TSNAX: variants seen among roughly 807,000 people sequenced by gnomAD.
TSNAX encodes the protein translin associated factor X.
Under a neutral mutation model 33.0 loss-of-function variants are expected in TSNAX, and 12 were observed. The observed-to-expected ratio is 0.36, with a 90% CI of 0.23 to 0.59. The LOEUF (loss-of-function observed/expected upper bound fraction) is 0.59. Ranked by LOEUF, TSNAX falls within the 20% of genes least tolerant of loss-of-function variation. TSNAX has a pLI of 0.74. For synonymous variants in TSNAX, 110 were observed against 117.2 expected (o/e 0.94, Z 0.40); for missense variants, 267 against 341.3 (o/e 0.78, Z 1.72).
At chr1:231,551,206 G>T (rs999737690) in intron 4 of TSNAX, among the ~76,000 whole-genome samples, 4 of 152,184 alleles carry the variant, frequency 2.6e-5, no homozygotes, top group African/African-American at 9.7e-5. Flanking sequence ...AGCAAGATAA[G>T]AAGAGAATGT....
chr1:231,549,039 G>T (rs1423843185), intron 4 of TSNAX, among the ~76,000 whole-genome samples: 2 of 152,202 alleles, frequency 1.3e-5, no homozygotes, highest in Non-Finnish European at 2.9e-5. Flanking sequence ...GGTAGTTACA[G>T]ATGGGTATAG....
chr1:231,546,969 C>G (rs1227429411), intron 4 of TSNAX, among the ~76,000 whole-genome samples: 1 of 152,142 alleles, frequency 6.6e-6, no homozygotes, highest in Non-Finnish European at 1.5e-5. Flanking sequence ...AGTCACATGG[C>G]CACACCAGCC....
At chr1:231,553,606 A>G (rs1368657639) in intron 4 of TSNAX, among the ~76,000 whole-genome samples, 1 of 151,864 alleles carries the variant, frequency 6.6e-6, no homozygotes, top group Non-Finnish European at 1.5e-5. Flanking sequence ...GTGACCAAAA[A>G]TGCTTTTCAG....
At position 231,542,587 on chromosome 1, in the gene TSNAX, C is replaced by G. The variant is rs753821248; in HGVS notation, c.343C>G (p.Gln115Glu). ...AQELSGEDMHQFHRAITTGLQ... is the reference protein window; with the variant it reads ...AQELSGEDMHEFHRAITTGLQ... The stretch of plus-strand genomic sequence containing the variant: ...AGAGCTATCAGGGGAAGATATGCAT[C>G]AGTTCCATCGAGCCATTACTACAGG... Residue 115 changes from glutamine (Q) to glutamate (E), a missense_variant, in exon 4 of 6, where the codon CAG (glutamine) becomes GAG (glutamate). Physicochemically the swap from Gln to Glu is conservative, Grantham distance 29. Transcript: ENST00000366639. The G allele has an allele frequency of 1.9e-6, 3 of 1,613,756 alleles. No individual in the cohort carries two copies. The African/African-American group carries it at 4.0e-5, about 22-fold the overall frequency.
At chr1:231,553,830 G>T (rs945330484) in intron 4 of TSNAX, among the ~76,000 whole-genome samples, 1 of 152,038 alleles carries the variant, frequency 6.6e-6, no homozygotes, top group Non-Finnish European at 1.5e-5. Flanking sequence ...GGGATTACAG[G>T]CATGTGCCAC....
Position 231,561,174 on chromosome 1 carries a change from AAC to A in TSNAX, c.417_418del (p.Arg140IlefsTer4). ...EAVSFQHFIK[T>X]RSLISMDEIN... Reference sequence around the variant, plus strand: ...CTGTCTCTTTTCAACACTTCATCAAAACACGATCATTAATTAGTATGGATGAA... The same window carrying A: ...CTGTCTCTTTTCAACACTTCATCAAAACGATCATTAATTAGTATGGATGAA... On this transcript the variant is annotated frameshift_variant, in exon 5 of 6. Coordinates refer to ENST00000366639, the MANE Select transcript of TSNAX (RefSeq NM_005999.3). LOFTEE classifies it high-confidence loss of function. The A allele has an allele frequency of 1.2e-6, 2 of 1,610,460 alleles. No individual in the cohort carries two copies. Among genetic ancestry groups the A allele is most frequent in the Non-Finnish European group, 1.7e-6 (2 of 1,177,910 alleles).
intron 4 of TSNAX, among the ~76,000 whole-genome samples, chr1:231,553,519 G>C (rs1476064327): frequency 6.6e-6 from 1 of 152,134 alleles, no homozygotes; most frequent in Admixed American, 6.5e-5. Context: ...TCACCTTGGG[G>C]ATTATTCACT....
intron 4 of TSNAX, among the ~76,000 whole-genome samples, chr1:231,551,287 G>A (rs1660276023): frequency 2.0e-5 from 3 of 152,144 alleles, no homozygotes; most frequent in South Asian, 2.1e-4. Context: ...AGTCTGTGAG[G>A]TCTCCTTGTA....
chr1:231,548,071 G>A (rs1036281067), intron 4 of TSNAX, among the ~76,000 whole-genome samples: 10 of 151,836 alleles, frequency 6.6e-5, no homozygotes, highest in Non-Finnish European at 1.3e-4. Context: ...TGATCTCCGT[G>A]ATCCGCCCGC....
intron 3 of TSNAX, among the ~76,000 whole-genome samples, chr1:231,540,473 T>A (rs1248774417): frequency 6.6e-6 from 1 of 152,238 alleles, no homozygotes; most frequent in Non-Finnish European, 1.5e-5. Flanking sequence ...GACTTTCTGA[T>A]ACTGATTTCT....
At chr1:231,546,040 G>A (rs1659893049) in intron 4 of TSNAX, among the ~76,000 whole-genome samples, 1 of 152,278 alleles carries the variant, frequency 6.6e-6, no homozygotes, top group East Asian at 1.9e-4. Context: ...CATAAACCCA[G>A]CACACACTGT....
At chr1:231,563,548 G>A (rs565528999) in intron 5 of TSNAX, 1 of 155,072 alleles carries the variant, frequency 6.4e-6, no homozygotes, top group African/African-American at 2.4e-5. Context: ...AGAGGTGGGA[G>A]GAGATGGGTC....
chr1:231,561,023 A>T, intron 4 of TSNAX, 105 bp from the exon 5 acceptor site: 1 of 1,152,386 alleles, frequency 8.7e-7, no homozygotes, highest in Non-Finnish European at 1.2e-6. Context: ...GGCATCCATT[A>T]AGCTTTTTTT....
At chr1:231,535,679 T>G (rs1394671656) in intron 2 of TSNAX, 1 of 152,220 alleles carries the variant, frequency 6.6e-6, no homozygotes, top group Non-Finnish European at 1.5e-5. Context: ...AGTATTCCAT[T>G]CAGCATTAAG....
At chr1:231,543,466 C>T (rs574784273) in intron 4 of TSNAX, among the ~76,000 whole-genome samples, 1 of 152,170 alleles carries the variant, frequency 6.6e-6, no homozygotes, top group South Asian at 2.1e-4. Flanking sequence ...TTCTTTTAAG[C>T]ATGACCTTTG....
intron 4 of TSNAX, among the ~76,000 whole-genome samples, chr1:231,556,956 G>A (rs1204003879): frequency 6.9e-6 from 1 of 144,584 alleles, no homozygotes; most frequent in Non-Finnish European, 1.5e-5. Context: ...GAAGCTATTT[G>A]GGCTTTAAAC....
chr1:231,556,865 T>G (rs1660730322), intron 4 of TSNAX, among the ~76,000 whole-genome samples: 1 of 152,210 alleles, frequency 6.6e-6, no homozygotes, highest in South Asian at 2.1e-4. Flanking sequence ...GAATTGAGGC[T>G]GATAATGTAA....
At chr1:231,539,910 T>G (rs1357462219) in intron 3 of TSNAX, among the ~76,000 whole-genome samples, 2 of 152,106 alleles carry the variant, frequency 1.3e-5, no homozygotes, top group African/African-American at 2.4e-5. Context: ...AGAGGCTGGA[T>G]GTGGAGGCTC....
intron 3 of TSNAX, among the ~76,000 whole-genome samples, chr1:231,539,063 G>A (rs960765197): frequency 1.3e-5 from 2 of 151,994 alleles, no homozygotes; most frequent in South Asian, 2.1e-4. Context: ...TTGAAATATG[G>A]CACTGTTAAC....
Sources: gnomAD v4.1 joint callset for allele counts (sites outside exome capture counted in the v4.1 genomes callset) on GRCh38, gnomAD v4.1.1 for gene constraint, MANE v1.5 for transcripts, NCBI Gene and HGNC (gene_info 2026-07-23, HGNC 2026-07-21) for gene names.